NYAP2: variants seen among roughly 807,000 people sequenced by gnomAD.
NYAP2 encodes the protein neuronal tyrosine-phosphorylated phosphoinositide-3-kinase adapter 2.
NYAP2 carries 23 observed loss-of-function variants against 50.4 expected under a neutral mutation model. The observed-to-expected ratio is 0.46, with a 90% confidence interval of 0.33 to 0.65. The LOEUF (loss-of-function observed/expected upper bound fraction) is 0.65. Ranked by LOEUF, NYAP2 falls within the 30% of genes least tolerant of loss-of-function variation. The probability of loss-of-function intolerance (pLI) is 0.02; values close to 1 mark genes in which losing one functional copy is unlikely to be tolerated. For missense variants in NYAP2, 885 were observed against 861.0 expected (o/e 1.03, Z -0.35); for synonymous variants, 394 against 365.2 (o/e 1.08, Z -0.90).
downstream of NYAP2, among the ~76,000 whole-genome samples, chr2:225,656,407 T>A (rs556250259): frequency 6.6e-6 from 1 of 152,140 alleles, no homozygotes; most frequent in Admixed American, 6.5e-5. Context: ...ACTTAGCAAA[T>A]GCTTATTCCT....
At chr2:225,504,837 G>A (rs1215926533) in intron 3 of NYAP2, among the ~76,000 whole-genome samples, 11 of 151,962 alleles carry the variant, frequency 7.2e-5, no homozygotes, top group African/African-American at 9.6e-5. Context: ...GTGAAATCCC[G>A]TCTCTACTAA....
chr2:225,592,353 A>G (rs1466964158), intron 5 of NYAP2, among the ~76,000 whole-genome samples: 1 of 152,212 alleles, frequency 6.6e-6, no homozygotes, highest in Non-Finnish European at 1.5e-5. Context: ...GCACCAAAGC[A>G]ATGAGCACCC....
intron 4 of NYAP2, 68 bp from the exon 5 acceptor site, chr2:225,581,873 C>A: frequency 6.9e-7 from 1 of 1,446,558 alleles, no homozygotes. Context: ...AGTAAACCCA[C>A]ATGCAAATCA....
chr2:225,699,104 G>A, the NYAP2 span: 1 of 151,874 alleles, frequency 6.6e-6, no homozygotes, highest in South Asian at 2.1e-4. Context: ...GGAAATGAAT[G>A]CAAATGTGAT....
At chr2:225,472,109 C>T (rs1333049030) in intron 3 of NYAP2, among the ~76,000 whole-genome samples, 1 of 152,106 alleles carries the variant, frequency 6.6e-6, no homozygotes, top group Non-Finnish European at 1.5e-5. Flanking sequence ...TGCTTAAAGC[C>T]ATATGTCTAG....
chr2:225,518,567 T>TATATATATATATAA lies in NYAP2; in HGVS notation c.523+4897_523+4898insATATATATATAAAT, dbSNP rs1203016686. ...ATATATATATATATATATATATATA[T>TATATATATATATAA]ATTAGCGTGTGCGCTTATATATATA... is the stretch of plus-strand genomic sequence containing the variant. On this transcript the variant is annotated intron_variant, in intron 4 of 6. Coordinates refer to ENST00000636099, the Ensembl canonical transcript of NYAP2. Among the ~76,000 whole-genome samples the TATATATATATATAA allele has an allele frequency of 7.1e-4, 18 of 25,526 alleles. 5 individuals are homozygous for TATATATATATATAA. The highest frequency in any genetic ancestry group is 2.9e-3 in the East Asian group (1 of 348). 16.7% of individuals were successfully genotyped at this position (25,526 alleles called of 152,430 possible).
rs142754964 is a variant in NYAP2 at position 225,402,405 on chromosome 2, G to A, written c.-18+1362G>A. On this transcript the variant is annotated intron_variant, in intron 2 of 6. Transcript: ENST00000636099. The stretch of plus-strand genomic sequence containing the variant: ...TGACTACATCTACTTTGCAAATAAT[G>A]CCTTGTAAGCATCTGGAACCATTTG... Among the ~76,000 whole-genome samples, 535 of 152,122 alleles carry A rather than the reference G, an allele frequency of 3.5e-3. 3 individuals are homozygous for A. Among genetic ancestry groups the A allele is most frequent in the African/African-American group, 0.012 (508 of 41,544 alleles).
chr2:225,515,468 CAT>C (rs1491206530), intron 4 of NYAP2, among the ~76,000 whole-genome samples: 19 of 148,480 alleles, frequency 1.3e-4, no homozygotes, highest in African/African-American at 3.7e-4. Flanking sequence ...AATGAACATT[CAT>C]GTGTGTGTGT....
intron 3 of NYAP2, among the ~76,000 whole-genome samples, chr2:225,510,898 G>A (rs1690801063): frequency 6.6e-6 from 1 of 152,046 alleles, no homozygotes; most frequent in South Asian, 2.1e-4. Context: ...AGACTAAATT[G>A]TCAGTCCGGG....
chr2:225,610,133 G>A (rs1008836695), intron 5 of NYAP2, among the ~76,000 whole-genome samples: 2 of 152,154 alleles, frequency 1.3e-5, no homozygotes, highest in African/African-American at 4.8e-5. Flanking sequence ...ATTAGATTAA[G>A]ATTTCATGTA....
At chr2:225,640,369 T>C (rs897205761) in intron 6 of NYAP2, among the ~76,000 whole-genome samples, 2 of 152,160 alleles carry the variant, frequency 1.3e-5, no homozygotes, top group Admixed American at 1.3e-4. Context: ...ATCAGCAACA[T>C]TATGTATGCT....
intron 3 of NYAP2, among the ~76,000 whole-genome samples, chr2:225,437,153 C>T (rs1406419653): frequency 6.6e-6 from 1 of 152,036 alleles, no homozygotes; most frequent in African/African-American, 2.4e-5. Context: ...TGTCTAGTTT[C>T]TAAAACCAAG....
chr2:225,686,392 T>C, the NYAP2 span, among the ~76,000 whole-genome samples: 1 of 152,162 alleles, frequency 6.6e-6, no homozygotes, highest in Non-Finnish European at 1.5e-5. Context: ...AAACCATTCC[T>C]GGCCTTTTTC....
intron 4 of NYAP2, among the ~76,000 whole-genome samples, chr2:225,565,604 A>G (rs896043403): frequency 5.3e-5 from 8 of 151,860 alleles, no homozygotes; most frequent in African/African-American, 1.7e-4. Flanking sequence ...CTATCTTCCA[A>G]TGTAGTCAGA....
intron 3 of NYAP2, among the ~76,000 whole-genome samples, chr2:225,432,446 G>A (rs1373313689): frequency 6.7e-6 from 1 of 149,626 alleles, no homozygotes; most frequent in African/African-American, 2.4e-5. Context: ...ATGTATATAT[G>A]TGTGTATATC....
intron 5 of NYAP2, among the ~76,000 whole-genome samples, chr2:225,626,311 G>A (rs80296872): frequency 1.6e-3 from 238 of 152,336 alleles, no homozygotes; most frequent in African/African-American, 5.2e-3. Context: ...TGTAGCAGAA[G>A]CAGCACAGTG....
At chr2:225,578,970 C>T (rs879318780) in intron 4 of NYAP2, among the ~76,000 whole-genome samples, 10 of 152,136 alleles carry the variant, frequency 6.6e-5, no homozygotes, top group Non-Finnish European at 1.5e-4. Context: ...TGAGGGCTCT[C>T]TACTTGGCTT....
chr2:225,630,309 G>A (rs555160888), intron 6 of NYAP2, among the ~76,000 whole-genome samples: 2 of 152,326 alleles, frequency 1.3e-5, no homozygotes, highest in Admixed American at 1.3e-4. Context: ...AAGCTCCGAG[G>A]TAGGCAGTTC....
At chr2:225,427,022 G>A (rs1028730463) in intron 3 of NYAP2, among the ~76,000 whole-genome samples, 2 of 152,142 alleles carry the variant, frequency 1.3e-5, no homozygotes, top group African/African-American at 4.8e-5. Flanking sequence ...AAATTATTCT[G>A]TTTAGTTTAG....
Sources: allele counts gnomAD v4.1 joint callset (sites outside exome capture counted in the v4.1 genomes callset), GRCh38; gene constraint gnomAD v4.1.1; transcripts MANE v1.5; gene names NCBI Gene and HGNC (gene_info 2026-07-23, HGNC 2026-07-21).